Variants in ZMYM4 observed in about 807,000 individuals in gnomAD.
The protein encoded by ZMYM4 is zinc finger MYM-type containing 4.
ZMYM4 carries 31 observed loss-of-function variants against 183.2 expected under a neutral mutation model. That is an observed-to-expected ratio of 0.17 (90% confidence interval 0.13 to 0.23). The LOEUF (loss-of-function observed/expected upper bound fraction) is 0.23. ZMYM4 is among the 10% of genes least tolerant of loss of function. The pLI, the probability that ZMYM4 is intolerant of heterozygous loss-of-function variation, is 1.00. For synonymous variants in ZMYM4, 592 were observed against 631.2 expected (o/e 0.94, Z 0.93); for missense variants, 1,273 against 1,840.3 (o/e 0.69, Z 5.64).
At chr1:35,328,774 C>G (rs1642614096) in intron 2 of ZMYM4, among the ~76,000 whole-genome samples, 1 of 152,106 alleles carries the variant, frequency 6.6e-6, no homozygotes. Flanking sequence ...ACATAGACCC[C>G]TATCCAGGAG....
intron 1 of ZMYM4, among the ~76,000 whole-genome samples, chr1:35,299,031 G>GTTTT (rs75810224): frequency 7.4e-6 from 1 of 135,324 alleles, no homozygotes; most frequent in African/African-American, 2.7e-5. Context: ...AGTTTTGAAA[G>GTTTT]TTTTTTTTTT....
chr1:35,328,689 G>A (rs1308923128), intron 2 of ZMYM4, among the ~76,000 whole-genome samples: 1 of 152,004 alleles, frequency 6.6e-6, no homozygotes, highest in Non-Finnish European at 1.5e-5. Context: ...TTAAAAGGAT[G>A]TTGAAAGCCC....
Position 35,381,401 on chromosome 1 carries a change from A to G in ZMYM4, c.1324A>G (p.Thr442Ala), listed in dbSNP as rs1644455423. 6.2e-7 allele frequency: 1 copy of G among 1,610,076 alleles called. No homozygotes were observed. Among genetic ancestry groups the G allele is most frequent in the Non-Finnish European group, 8.5e-7 (1 of 1,177,418 alleles). ...IVTINTNSIS[T>A]KCSMCQKNAV... Reference sequence around the variant, plus strand: ...TACCATAAATACAAATAGTATTTCAACCAAATGCAGCATGTGTCAGAAGAA... The same window carrying G: ...TACCATAAATACAAATAGTATTTCAGCCAAATGCAGCATGTGTCAGAAGAA... The change falls in exon 8 of 30, where the codon ACC (threonine) becomes GCC (alanine). Residue 442 changes from threonine to alanine, a missense_variant. Coordinates refer to ENST00000314607, the MANE Select transcript of ZMYM4 (RefSeq NM_005095.3).
chr1:35,367,999 A>T (rs2148929155), intron 5 of ZMYM4, among the ~76,000 whole-genome samples: 1 of 152,006 alleles, frequency 6.6e-6, no homozygotes, highest in East Asian at 1.9e-4. Context: ...CATCAAAATG[A>T]GTAAATTCCA....
chr1:35,380,626 G>A (rs915738608), intron 7 of ZMYM4, among the ~76,000 whole-genome samples: 2 of 152,058 alleles, frequency 1.3e-5, no homozygotes, highest in East Asian at 1.9e-4. Context: ...GCGCCCGGCC[G>A]AAAAATTGGT....
intron 13 of ZMYM4, 114 bp from the exon 14 acceptor site, chr1:35,388,796 A>C (rs1570501944): frequency 1.0e-6 from 1 of 953,128 alleles, no homozygotes; most frequent in East Asian, 2.7e-5. Flanking sequence ...CCAGCCTCCC[A>C]AAGTGTTGGG....
chr1:35,281,963 C>A (rs968520652), intron 1 of ZMYM4, among the ~76,000 whole-genome samples: 1 of 152,156 alleles, frequency 6.6e-6, no homozygotes, highest in Non-Finnish European at 1.5e-5. Flanking sequence ...AAGGTTCATC[C>A]AGTTATAGTA....
At chr1:35,388,029 G>A (rs960145144) in intron 13 of ZMYM4, among the ~76,000 whole-genome samples, 2 of 152,008 alleles carry the variant, frequency 1.3e-5, no homozygotes, top group African/African-American at 2.4e-5. Flanking sequence ...ATTAATATGT[G>A]GAAGATTGTT....
At chr1:35,393,784 A>G in intron 18 of ZMYM4, 45 bp downstream of exon 18, 1 of 1,543,344 alleles carries the variant, frequency 6.5e-7, no homozygotes, top group East Asian at 2.3e-5. Flanking sequence ...TTTAAGGGAA[A>G]GAAATGTAGG....
rs746812468 is a variant in ZMYM4, at chr1:35,399,596, T to A, written c.3528+20T>A. On this transcript the variant is annotated intron_variant, in intron 23 of 29. Transcript: ENST00000314607. Reference sequence around the variant, plus strand: ...CGAAGAGTAAGCTGCAGCTTAACTTTTCTAGACTTTTCTTTCCTTCATTCT... The same window carrying A: ...CGAAGAGTAAGCTGCAGCTTAACTTATCTAGACTTTTCTTTCCTTCATTCT... 47 of 1,612,694 alleles carry A rather than the reference T, an allele frequency of 2.9e-5. No individual in the cohort carries two copies. The South Asian group carries it at 4.8e-4, about 17-fold the overall frequency.
chr1:35,294,477 T>C lies in ZMYM4; in HGVS notation c.39+25392T>C, dbSNP rs1640911341. On this transcript the variant is annotated intron_variant, in intron 1 of 29. Coordinates refer to ENST00000314607, the MANE Select transcript of ZMYM4 (RefSeq NM_005095.3). ...AGACAATCTTGAATTAGAAGAATTA[T>C]GAAGGCAGGGGGCAGTAGGGGAATA... Among the ~76,000 whole-genome samples the C allele has an allele frequency of 2.0e-5, 3 of 152,192 alleles. 1 individual carries two copies. The highest frequency in any genetic ancestry group is 4.1e-4 in the South Asian group (2 of 4,832).
chr1:35,385,324 A>G (rs1486903912), intron 9 of ZMYM4, 118 bp from the exon 10 acceptor site: 1 of 1,130,742 alleles, frequency 8.8e-7, no homozygotes, highest in Non-Finnish European at 1.2e-6. Context: ...TTACAATCAT[A>G]AAAGTTTGAA....
chr1:35,397,327 C>A, intron 19 of ZMYM4, 50 bp from the exon 20 acceptor site: 1 of 1,456,052 alleles, frequency 6.9e-7, no homozygotes, highest in South Asian at 1.7e-5. Flanking sequence ...ATACTTTTGG[C>A]TACAAACCTG....
chr1:35,352,386 G>GCACGCACACACACA (rs1553171662), intron 2 of ZMYM4, among the ~76,000 whole-genome samples: 1 of 128,394 alleles, frequency 7.8e-6, no homozygotes, highest in East Asian at 2.3e-4. Flanking sequence ...AAAAATTAGC[G>GCACGCACACACACA]CACACACACA....
intron 15 of ZMYM4, among the ~76,000 whole-genome samples, chr1:35,391,192 A>G (rs1644697590): frequency 6.6e-6 from 1 of 152,220 alleles, no homozygotes; most frequent in Non-Finnish European, 1.5e-5. Flanking sequence ...GCAGCACAGC[A>G]GAGAAGGGGA....
chr1:35,333,258 T>G (rs1411879303), intron 2 of ZMYM4, among the ~76,000 whole-genome samples: 1 of 554 alleles, frequency 1.8e-3, no homozygotes, highest in African/African-American at 7.9e-3. Context: ...CATACATGAT[T>G]TTTTTTTTTT....
At chr1:35,340,965 G>A (rs866893098) in intron 2 of ZMYM4, among the ~76,000 whole-genome samples, 14 of 152,030 alleles carry the variant, frequency 9.2e-5, no homozygotes, top group Non-Finnish European at 1.5e-5. Context: ...GTAGCCTATT[G>A]TGCCACCATA....
At position 35,387,238 on chromosome 1, in the gene ZMYM4, A is replaced by G; in HGVS notation, c.2072A>G (p.Asn691Ser). 1.2e-6 allele frequency: 2 copies of G among 1,614,196 alleles called. No homozygotes were observed. Among genetic ancestry groups the G allele is most frequent in the Non-Finnish European group, 1.7e-6 (2 of 1,180,008 alleles). ...SVVKLKCQHC[N>S]RLFATKPELL... ...GTGAAACTCAAATGTCAACACTGTA[A>G]CCGTCTTTTTGCCACAAAACCAGAA... Residue 691 changes from asparagine to serine, a missense_variant, in exon 12 of 30, where the codon AAC becomes AGC. By Grantham distance (46) the Asn-to-Ser change is conservative. Transcript: ENST00000314607.
rs1558171602 is a variant in ZMYM4, at chr1:35,399,497, T to A, written c.3449T>A (p.Leu1150His). 1 of 1,614,078 alleles carries A rather than the reference T, an allele frequency of 6.2e-7. No individual in the cohort carries two copies. The highest frequency in any genetic ancestry group is 8.5e-7 in the Non-Finnish European group (1 of 1,179,986). Residue 1150 changes from leucine to histidine, a missense_variant, in exon 23 of 30, where the codon CTT becomes CAT. This residue lies in a region of ZMYM4 where 133 missense variants were observed against 155.7 expected (regional missense o/e 0.85). Coordinates refer to ENST00000314607, the MANE Select transcript of ZMYM4 (RefSeq NM_005095.3). ...ADFPSDSFDP[L>H]NKGQGIQARS... ...ATTATTATAGACTCCTTTGACCCACTTAATAAAGGACAGGGAATCCAGGCA... is the reference window on the plus strand; with the variant it reads ...ATTATTATAGACTCCTTTGACCCACATAATAAAGGACAGGGAATCCAGGCA...
Sources: allele counts gnomAD v4.1 joint callset (sites outside exome capture counted in the v4.1 genomes callset), GRCh38; gene constraint gnomAD v4.1.1; regional missense constraint gnomAD v4.1.1; transcripts MANE v1.5; gene names NCBI Gene and HGNC (gene_info 2026-07-23, HGNC 2026-07-21).